The following DYNC1H1 variants were observed in gnomAD, a reference collection of about 807,000 sequenced individuals.
DYNC1H1 encodes the protein cytoplasmic dynein 1 heavy chain 1.
In DYNC1H1, 51 loss-of-function variants were observed where a neutral mutation model predicts 527.1. The observed-to-expected ratio is 0.10, with a 90% CI of 0.08 to 0.12. The LOEUF is 0.12. Ranked by LOEUF, DYNC1H1 falls within the 10% of genes least tolerant of loss-of-function variation. DYNC1H1 has a pLI of 1.00. For missense variants in DYNC1H1, 2,771 were observed against 5,971.8 expected (o/e 0.46, Z 17.66); for synonymous variants, 2,189 against 2,278.8 (o/e 0.96, Z 1.12).
intron 27 of DYNC1H1, among the ~76,000 whole-genome samples, chr14:102,006,730 G>C (rs1025681564): frequency 6.6e-6 from 1 of 151,670 alleles, no homozygotes; most frequent in Non-Finnish European, 1.5e-5. Flanking sequence ...CTCCCAAGTA[G>C]CTGGGACTAC....
Position 102,016,608 on chromosome 14 carries a change from G to A in DYNC1H1, c.7614+119G>A. The A allele has an allele frequency of 6.3e-7, 1 of 1,587,596 alleles. No individual in the cohort carries two copies. The highest frequency in any genetic ancestry group is 8.6e-7 in the Non-Finnish European group (1 of 1,159,620). On this transcript the variant is annotated intron_variant, in intron 37 of 77. Transcript: ENST00000360184. The surrounding 1 kb of genome is among the most constrained non-coding windows in gnomAD (Gnocchi z 7.3). ...TTCATTTTATTCCATTTCATAGAAGGACTTTATCCTTTTAGTTCCATGTGT... is the reference window on the plus strand; with the variant it reads ...TTCATTTTATTCCATTTCATAGAAGAACTTTATCCTTTTAGTTCCATGTGT...
At chr14:102,003,002 T>G in intron 23 of DYNC1H1, 37 bp downstream of exon 23, 1 of 1,612,910 alleles carries the variant, frequency 6.2e-7, no homozygotes, top group Non-Finnish European at 8.5e-7. Flanking sequence ...GGAGTCAAGT[T>G]GAATTTCAGT....
At chr14:102,003,048 G>A (rs2048149715) in intron 23 of DYNC1H1, 83 bp downstream of exon 23, 1 of 1,576,658 alleles carries the variant, frequency 6.3e-7, no homozygotes, top group African/African-American at 1.3e-5. Flanking sequence ...TCCCTTCTGG[G>A]CCTGTGTTTG....
Position 102,005,098 on chromosome 14 carries a change from A to G in DYNC1H1, c.5295A>G (p.Ala1765=), listed in dbSNP as rs139919955. The G allele has an allele frequency of 1.6e-4, 253 of 1,614,218 alleles. No homozygotes were observed. The African/African-American group carries it at 2.9e-3, about 19-fold the overall frequency. The change falls in exon 26 of 78, where the codon GCA becomes GCG. Residue 1765 remains alanine (A), a synonymous_variant. Coordinates refer to ENST00000360184, the MANE Select transcript of DYNC1H1 (RefSeq NM_001376.5). The surrounding 1 kb of genome is among the most constrained non-coding windows in gnomAD (Gnocchi z 4.0). ...QIAWSENVET[A]LSSMGGGGDA... is the part of the protein sequence containing the mutation. ...CCTGGTCTGAGAACGTGGAGACCGC[A>G]CTGAGCAGCATGGGCGGAGGTGGAG...
Position 102,011,194 on chromosome 14 carries a change from T to G in DYNC1H1, c.6618+242T>G. ...CAGTTCAATTTCTGAAAATGCTAAG[T>G]GCATGACTATATTGGAAAGTTGTTT... is the stretch of plus-strand genomic sequence containing the variant. On this transcript the variant is annotated intron_variant, in intron 32 of 77. Coordinates refer to ENST00000360184, the MANE Select transcript of DYNC1H1 (RefSeq NM_001376.5). This position sits in a 1 kb window ranked among gnomAD's most constrained non-coding sequence, Gnocchi z 5.3. 1 of 554,176 alleles carries G rather than the reference T, an allele frequency of 1.8e-6. No individual in the cohort carries two copies. The highest frequency in any genetic ancestry group is 3.3e-5 in the East Asian group (1 of 30,742). The allele number at this position is 554,176 out of a possible 1,614,324, so 34.3% of individuals were successfully genotyped here. A position where few individuals can be genotyped will look rare whatever the true frequency, so the allele number is the denominator to read the frequency against.
intron 48 of DYNC1H1, chr14:102,028,466 G>C (rs1442308689): frequency 8.1e-6 from 3 of 368,958 alleles, no homozygotes; most frequent in Non-Finnish European, 1.6e-5. Context: ...ATTGAGCTGA[G>C]ATCACGGCAC....
At chr14:101,993,027 T>C (rs972346328) in intron 11 of DYNC1H1, among the ~76,000 whole-genome samples, 6 of 151,640 alleles carry the variant, frequency 4.0e-5, no homozygotes, top group Admixed American at 6.6e-5. Context: ...TTCTCCCTAC[T>C]CCAGGCTTGT....
Position 102,029,715 on chromosome 14 carries a change from G to A in DYNC1H1, c.9642+3G>A, listed in dbSNP as rs564799788. On this transcript the variant is annotated splice_donor_region_variant and intron_variant, in intron 49 of 77. Coordinates refer to ENST00000360184, the MANE Select transcript of DYNC1H1 (RefSeq NM_001376.5). The surrounding 1 kb of genome is among the most constrained non-coding windows in gnomAD (Gnocchi z 5.3). ...AGATCAAAGAGACAGTCGACCAGGT[G>A]CGTCACAGGCACAAATTCCTCACGG... The A allele has an allele frequency of 6.2e-7, 1 of 1,614,196 alleles. No individual in the cohort carries two copies. The highest frequency in any genetic ancestry group is 1.1e-5 in the South Asian group (1 of 91,078).
At chr14:101,969,287 T>A in intron 1 of DYNC1H1, 1 of 152,634 alleles carries the variant, frequency 6.6e-6, no homozygotes, top group Non-Finnish European at 1.5e-5. Flanking sequence ...CCCAAAGTGC[T>A]GCGATTACAG....
chr14:102,004,283 A>G (rs148164094), intron 23 of DYNC1H1, among the ~76,000 whole-genome samples: 14 of 152,326 alleles, frequency 9.2e-5, no homozygotes, highest in Non-Finnish European at 1.5e-4. Context: ...GTAACTTACT[A>G]AGGCAAATGA....
intron 27 of DYNC1H1, 57 bp from the exon 28 acceptor site, chr14:102,006,951 A>G: frequency 6.4e-7 from 1 of 1,572,554 alleles, no homozygotes. Flanking sequence ...TTAAAGCTAA[A>G]GATATGTTTT....
chr14:101,993,964 C>T (rs943521790), intron 11 of DYNC1H1, among the ~76,000 whole-genome samples: 1 of 152,136 alleles, frequency 6.6e-6, no homozygotes, highest in East Asian at 1.9e-4. Flanking sequence ...TTTGCATTGC[C>T]AAATTTCTCT....
intron 5 of DYNC1H1, among the ~76,000 whole-genome samples, chr14:101,982,438 A>G (rs2047878317): frequency 6.6e-6 from 1 of 152,046 alleles, no homozygotes; most frequent in African/African-American, 2.4e-5. Flanking sequence ...TAAAAATACA[A>G]AAAATTAGCC....
chr14:101,982,868 G>A (rs1265964372), intron 5 of DYNC1H1, 151 bp from the exon 6 acceptor site: 3 of 941,242 alleles, frequency 3.2e-6, no homozygotes, highest in Non-Finnish European at 3.2e-6. Context: ...GGGTTATCCT[G>A]TTAATAACGT....
chr14:101,999,991 C>T lies in DYNC1H1; in HGVS notation c.3807C>T (p.Gly1269=). The T allele has an allele frequency of 6.2e-7, 1 of 1,614,182 alleles. No individual in the cohort carries two copies. The highest frequency in any genetic ancestry group is 8.5e-7 in the Non-Finnish European group (1 of 1,180,046). The change falls in exon 17 of 78, where the codon GGC becomes GGT. Residue 1269 remains glycine, a splice_region_variant and synonymous_variant. Transcript: ENST00000360184. ...CTCTGTGCTCTGACTGCTTTCAGGG[C>T]AACCTTCGCCCAGAAGAGGCACTTC... ...TDWEKTKPVT[G]NLRPEEALQA...
Position 102,055,958 on chromosome 14 carries a change from T to C in DYNC1H1, c.*5395T>C, listed in dbSNP as rs1418506032. 1.3e-5 allele frequency: 2 copies of C among 152,190 alleles called. No homozygotes were observed. The highest frequency in any genetic ancestry group is 2.9e-5 in the Non-Finnish European group (2 of 68,082). 9.4% of individuals were successfully genotyped at this position (152,190 alleles called of 1,614,324 possible). Reference sequence around the variant, plus strand: ...AATCTGAGACAGGTCTCAGTTAATTTAGAAAAGATATTTGTCAAGGTTGAG... The same window carrying C: ...AATCTGAGACAGGTCTCAGTTAATTCAGAAAAGATATTTGTCAAGGTTGAG... On this transcript the variant is annotated 3_prime_UTR_variant, in exon 78 of 78. Coordinates refer to ENST00000360184, the MANE Select transcript of DYNC1H1 (RefSeq NM_001376.5).
chr14:101,996,032 C>G (rs1321589507), intron 15 of DYNC1H1, among the ~76,000 whole-genome samples: 1 of 151,944 alleles, frequency 6.6e-6, no homozygotes, highest in Non-Finnish European at 1.5e-5. Context: ...CCACTGCACT[C>G]CAGCCTGGGT....
chr14:102,019,359 A>T (rs1056286486), intron 41 of DYNC1H1, among the ~76,000 whole-genome samples: 70 of 152,216 alleles, frequency 4.6e-4, no homozygotes, highest in African/African-American at 1.5e-3. Flanking sequence ...GCTGCGGGGG[A>T]TGAGTGGGAG....
intron 10 of DYNC1H1, among the ~76,000 whole-genome samples, chr14:101,989,359 C>T (rs1214619230): frequency 1.3e-5 from 2 of 152,170 alleles, no homozygotes; most frequent in African/African-American, 4.8e-5. Context: ...TTCACATCCC[C>T]GGGAAGAAGG....
Sources: gnomAD v4.1 joint callset for allele counts (sites outside exome capture counted in the v4.1 genomes callset) on GRCh38, gnomAD v4.1.1 for gene constraint, Gnocchi (gnomAD v3.1) non-coding constraint, MANE v1.5 for transcripts, NCBI Gene and HGNC (gene_info 2026-07-23, HGNC 2026-07-21) for gene names.